The following KCNIP4 variants were observed in gnomAD, a reference collection of about 807,000 sequenced individuals.
The protein encoded by KCNIP4 is Kv channel-interacting protein 4.
A neutral mutation model predicts 34.0 loss-of-function variants in KCNIP4; 12 were observed. That is an observed-to-expected ratio of 0.35 (90% CI 0.23 to 0.57). KCNIP4 has a LOEUF of 0.57. Ranked by LOEUF, KCNIP4 falls within the 20% of genes least tolerant of loss-of-function variation. KCNIP4 has a pLI of 0.83. For missense variants in KCNIP4, 238 were observed against 311.7 expected, an observed-to-expected ratio of 0.76 and a Z score of 1.78; for synonymous variants, 124 against 102.2, an observed-to-expected ratio of 1.21 and a Z score of -1.29.
chr4:21,790,490 C>T (rs997671128), intron 1 of KCNIP4, among the ~76,000 whole-genome samples: 4 of 151,992 alleles, frequency 2.6e-5, no homozygotes, highest in African/African-American at 7.3e-5. Flanking sequence ...TCCAAAACCT[C>T]ACATTATGAC....
At chr4:21,457,238 G>A (rs1185073012) in intron 1 of KCNIP4, among the ~76,000 whole-genome samples, 1 of 151,868 alleles carries the variant, frequency 6.6e-6, no homozygotes, top group Non-Finnish European at 1.5e-5. Context: ...TTCTTCTCCG[G>A]GACCGCCCCT....
intron 1 of KCNIP4, among the ~76,000 whole-genome samples, chr4:21,096,261 A>G (rs755468946): frequency 1.2e-3 from 176 of 152,292 alleles, no homozygotes; most frequent in Non-Finnish European, 1.9e-3. Context: ...GAGCCACTCC[A>G]TCTTTGCTCT....
At chr4:21,569,660 T>G (rs916272042) in intron 1 of KCNIP4, among the ~76,000 whole-genome samples, 1 of 152,050 alleles carries the variant, frequency 6.6e-6, no homozygotes, top group African/African-American at 2.4e-5. Flanking sequence ...CAGAGTCTGG[T>G]GTTTTAGACA....
intron 5 of KCNIP4, among the ~76,000 whole-genome samples, chr4:20,740,142 C>T (rs1750710292): frequency 6.6e-6 from 1 of 152,048 alleles, no homozygotes. Context: ...GAGAATTGAA[C>T]CAAGTTGGAA....
intron 1 of KCNIP4, among the ~76,000 whole-genome samples, chr4:21,218,852 T>A (rs1362059538): frequency 6.6e-6 from 1 of 152,138 alleles, no homozygotes; most frequent in African/African-American, 2.4e-5. Flanking sequence ...TAGTGTGATA[T>A]ATATATGTGG....
rs541453870 is a variant in KCNIP4, at chr4:21,562,854, C to A, written c.61+385717G>T. ...AAAAATTATTTCAAGCTTAAGATAC[C>A]AAAGTGAACAAAAATACTTTCACAT... On this transcript the variant is annotated intron_variant, in intron 1 of 8. Coordinates refer to ENST00000382152, the MANE Select transcript of KCNIP4 (RefSeq NM_025221.6). Among the ~76,000 whole-genome samples, 7 of 151,938 alleles carry A rather than the reference C, an allele frequency of 4.6e-5. No homozygotes were observed. In the South Asian group the frequency reaches 1.2e-3, roughly 27 times the overall value.
At chr4:21,640,750 C>T (rs968456684) in intron 1 of KCNIP4, among the ~76,000 whole-genome samples, 1 of 152,080 alleles carries the variant, frequency 6.6e-6, no homozygotes, top group African/African-American at 2.4e-5. Context: ...ACAGAATGAC[C>T]CAAAAAGCTG....
At chr4:21,792,130 A>T (rs1248297258) in intron 1 of KCNIP4, among the ~76,000 whole-genome samples, 1 of 147,132 alleles carries the variant, frequency 6.8e-6, no homozygotes, top group Non-Finnish European at 1.5e-5. Context: ...TTAGTTGCTT[A>T]TTTATCTCTC....
intron 1 of KCNIP4, chr4:21,851,909 GTTAA>G (rs1472063476): frequency 1.3e-5 from 2 of 151,902 alleles, no homozygotes; most frequent in Non-Finnish European, 2.9e-5. Flanking sequence ...TTGCTTTTGA[GTTAA>G]TTGTTTCATG....
chr4:21,155,880 G>T (rs1441496392), intron 1 of KCNIP4, among the ~76,000 whole-genome samples: 1 of 151,940 alleles, frequency 6.6e-6, no homozygotes, highest in African/African-American at 2.4e-5. Flanking sequence ...AACTATTTTT[G>T]CTCCCTTGCT....
At chr4:21,498,062 C>A (rs1282147044) in intron 1 of KCNIP4, among the ~76,000 whole-genome samples, 1 of 152,048 alleles carries the variant, frequency 6.6e-6, no homozygotes, top group Admixed American at 6.6e-5. Flanking sequence ...TTGACTTTAA[C>A]AAGGAGAAAT....
intron 1 of KCNIP4, among the ~76,000 whole-genome samples, chr4:21,379,117 T>C (rs1721241793): frequency 6.6e-6 from 1 of 152,170 alleles, no homozygotes; most frequent in African/African-American, 2.4e-5. Flanking sequence ...ATTATTATGT[T>C]ACATCTTATT....
intron 2 of KCNIP4, among the ~76,000 whole-genome samples, chr4:20,879,263 C>T (rs1724415085): frequency 6.6e-6 from 1 of 152,118 alleles, no homozygotes; most frequent in African/African-American, 2.4e-5. Context: ...AGGTGGAAGA[C>T]ATTCTAAGGC....
At chr4:21,520,929 C>A (rs1366758316) in intron 1 of KCNIP4, among the ~76,000 whole-genome samples, 1 of 152,098 alleles carries the variant, frequency 6.6e-6, no homozygotes, top group East Asian at 1.9e-4. Flanking sequence ...ATTCCATTAT[C>A]TTTTAATTAA....
chr4:20,870,851 A>T (rs1455560967), intron 2 of KCNIP4, among the ~76,000 whole-genome samples: 1 of 152,082 alleles, frequency 6.6e-6, no homozygotes, highest in East Asian at 1.9e-4. Context: ...TATCCCCACT[A>T]AATGAACTTG....
In KCNIP4 at chr4:21,269,603, C is replaced by T. The variant is rs116805172; in HGVS notation, c.62-386894G>A. Among the ~76,000 whole-genome samples, 838 of 152,140 alleles carry T rather than the reference C, an allele frequency of 5.5e-3. 8 individuals carry two copies. The highest frequency in any genetic ancestry group is 0.02 in the African/African-American group (811 of 41,514). ...GTATGTTTTGTAGCATCATGTTGCCCAGGCTGATCTCCAACTCCTGAGCTC... is the reference window on the plus strand; with the variant it reads ...GTATGTTTTGTAGCATCATGTTGCCTAGGCTGATCTCCAACTCCTGAGCTC... On this transcript the variant is annotated intron_variant, in intron 1 of 8. Transcript: ENST00000382152.
chr4:20,911,206 T>G (rs1239720872), intron 1 of KCNIP4, among the ~76,000 whole-genome samples: 1 of 152,176 alleles, frequency 6.6e-6, no homozygotes, highest in Admixed American at 6.5e-5. Context: ...CAAATTACTC[T>G]TGTTTGTAGA....
chr4:21,535,638 T>C (rs1367528309), intron 1 of KCNIP4, among the ~76,000 whole-genome samples: 3 of 152,222 alleles, frequency 2.0e-5, no homozygotes, highest in Non-Finnish European at 4.4e-5. Context: ...TTTATTTCAA[T>C]AGAGACAAGA....
intron 1 of KCNIP4, among the ~76,000 whole-genome samples, chr4:21,506,861 G>A (rs358553): frequency 4.6e-5 from 7 of 151,688 alleles, no homozygotes; most frequent in South Asian, 2.1e-4. Flanking sequence ...GCATGATCAC[G>A]GTTCACTGCA....
Sources: allele counts gnomAD v4.1 joint callset (sites outside exome capture counted in the v4.1 genomes callset), GRCh38; gene constraint gnomAD v4.1.1; transcripts MANE v1.5; gene names NCBI Gene and HGNC (gene_info 2026-07-23, HGNC 2026-07-21).